The following HMSD variants were observed in gnomAD, a reference collection of about 807,000 sequenced individuals.
HMSD encodes the protein serpin-like protein HMSD.
A neutral mutation model predicts 10.0 loss-of-function variants in HMSD; 13 were observed. That is an observed-to-expected ratio of 1.31 (90% CI 0.85 to 2.08). The LOEUF is 2.08. Among genes scored for constraint, HMSD ranks in the 30% most tolerant of loss-of-function variants. HMSD has a pLI of 0.00. For synonymous variants in HMSD, 51 were observed against 54.2 expected, an observed-to-expected ratio of 0.94 and a Z score of 0.26; for missense variants, 169 against 166.3, an observed-to-expected ratio of 1.02 and a Z score of -0.09.
chr18:63,956,027 C>A (rs745446633), intron 3 of HMSD, among the ~76,000 whole-genome samples: 1 of 152,190 alleles, frequency 6.6e-6, no homozygotes, highest in Non-Finnish European at 1.5e-5. Context: ...TCCAGGGGGA[C>A]CTCTACAAGC....
At chr18:63,967,856 C>T (rs1228671222) in intron 3 of HMSD, 1 of 152,210 alleles carries the variant, frequency 6.6e-6, no homozygotes, top group East Asian at 1.9e-4. Context: ...TGTTCAGGCT[C>T]ACTCTGAAAT....
Position 63,955,209 on chromosome 18 carries a change from T to C in HMSD, c.222+652T>C, listed in dbSNP as rs547555755. ...TGAGTTTTTCTCCTATGTAATGTTA[T>C]TGTACTATGCATATTGTTTTATACT... On this transcript the variant is annotated intron_variant, in intron 3 of 3. Transcript: ENST00000408945. Among the ~76,000 whole-genome samples, 5 of 152,346 alleles carry C rather than the reference T, an allele frequency of 3.3e-5. No homozygotes were observed. The East Asian group carries it at 9.6e-4, about 29-fold the overall frequency.
At chr18:63,964,189 G>GAC (rs979659408), downstream of HMSD, among the ~76,000 whole-genome samples, 1 of 152,156 alleles carries the variant, frequency 6.6e-6, no homozygotes, top group African/African-American at 2.4e-5. Context: ...TCAGCCTTGG[G>GAC]ACATTCAGTC....
At chr18:63,966,110 C>T (rs2050408427), downstream of HMSD, among the ~76,000 whole-genome samples, 1 of 152,224 alleles carries the variant, frequency 6.6e-6, no homozygotes, top group Non-Finnish European at 1.5e-5. Context: ...ATGACGCAGA[C>T]ACCTCTCCCT....
chr18:63,951,010 A>G (rs749228291), intron 1 of HMSD, among the ~76,000 whole-genome samples: 2 of 152,224 alleles, frequency 1.3e-5, no homozygotes, highest in Non-Finnish European at 2.9e-5. Flanking sequence ...AACCCACAGT[A>G]TTACTAGTGG....
chr18:63,955,749 C>A (rs776309134), intron 3 of HMSD, among the ~76,000 whole-genome samples: 1 of 151,992 alleles, frequency 6.6e-6, no homozygotes, highest in Non-Finnish European at 1.5e-5. Flanking sequence ...GAAACCATGT[C>A]GAGATCCATC....
intron 2 of HMSD, among the ~76,000 whole-genome samples, chr18:63,953,889 G>C (rs899045978): frequency 2.6e-5 from 4 of 152,154 alleles, no homozygotes; most frequent in African/African-American, 9.7e-5. Context: ...TCTCGACCAC[G>C]GTAGCTGGGT....
At chr18:63,958,430 T>G (rs2050370207) in intron 3 of HMSD, among the ~76,000 whole-genome samples, 1 of 152,142 alleles carries the variant, frequency 6.6e-6, no homozygotes, top group African/African-American at 2.4e-5. Flanking sequence ...AAAGGGAAAT[T>G]AAATATTTAG....
intron 3 of HMSD, among the ~76,000 whole-genome samples, chr18:63,967,426 G>T (rs1024080464): frequency 2.6e-5 from 4 of 152,190 alleles, no homozygotes; most frequent in African/African-American, 9.6e-5. Flanking sequence ...GAGCCACTGT[G>T]CCCTGCCCCG....
At chr18:63,956,363 CA>C (rs1264758868) in intron 3 of HMSD, among the ~76,000 whole-genome samples, 2 of 138,448 alleles carry the variant, frequency 1.4e-5, no homozygotes, top group African/African-American at 5.0e-5. Flanking sequence ...AAAAAAAAAA[CA>C]AACTTAAATT....
chr18:63,969,479 A>G (rs1289745330), intron 3 of HMSD: 1 of 152,230 alleles, frequency 6.6e-6, no homozygotes, highest in Non-Finnish European at 1.5e-5. Context: ...TCATTTAGTT[A>G]AAAGAACTGC....
chr18:63,961,871 TC>T (rs1311249655), downstream of HMSD: 4 of 152,194 alleles, frequency 2.6e-5, no homozygotes, highest in Non-Finnish European at 5.9e-5. Flanking sequence ...TCTAGTTATC[TC>T]CTACTATTTA....
downstream of HMSD, among the ~76,000 whole-genome samples, chr18:63,965,839 T>C (rs1325040985): frequency 6.6e-6 from 1 of 152,194 alleles, no homozygotes; most frequent in Non-Finnish European, 1.5e-5. Context: ...CCCAGGCTTC[T>C]GGAGAGGGCT....
chr18:63,953,960 A>T (rs1013986569), intron 2 of HMSD, among the ~76,000 whole-genome samples: 4 of 152,230 alleles, frequency 2.6e-5, no homozygotes, highest in African/African-American at 9.6e-5. Flanking sequence ...GAACAGAGCC[A>T]GTTCTGCATT....
chr18:63,950,411 CTCT>C (rs1568256842), intron 1 of HMSD, among the ~76,000 whole-genome samples: 8 of 59,988 alleles, frequency 1.3e-4, no homozygotes, highest in African/African-American at 9.6e-4. Flanking sequence ...GCGAGACTCT[CTCT>C]CAAAAAAAAA....
At chr18:63,954,284 T>C in intron 2 of HMSD, 124 bp from the exon 3 acceptor site, 1 of 703,610 alleles carries the variant, frequency 1.4e-6, no homozygotes, top group Non-Finnish European at 2.3e-6. Flanking sequence ...TTTTATTAGA[T>C]TGATCATCTT....
chr18:63,957,422 C>T (rs2050364815), intron 3 of HMSD, among the ~76,000 whole-genome samples: 1 of 151,802 alleles, frequency 6.6e-6, no homozygotes, highest in Non-Finnish European at 1.5e-5. Flanking sequence ...ACACATTTTT[C>T]TATGGGGTTG....
intron 3 of HMSD, chr18:63,967,908 C>A (rs983960270): frequency 1.3e-5 from 2 of 152,126 alleles, no homozygotes; most frequent in Non-Finnish European, 2.9e-5. Context: ...CCTTCAGGGC[C>A]CAGCATTTAA....
intron 2 of HMSD, 29 bp from the exon 3 acceptor site, chr18:63,954,379 G>A: frequency 6.4e-7 from 1 of 1,550,760 alleles, no homozygotes; most frequent in Non-Finnish European, 8.9e-7. Context: ...TACTGAGAAT[G>A]TGTATGTTTA....
Sources: allele counts gnomAD v4.1 joint callset (sites outside exome capture counted in the v4.1 genomes callset), GRCh38; gene constraint gnomAD v4.1.1; transcripts MANE v1.5; gene names NCBI Gene and HGNC (gene_info 2026-07-23, HGNC 2026-07-21).